WDR88: variants seen among roughly 807,000 people sequenced by gnomAD.
The protein encoded by WDR88 is WD repeat domain 88, also known as WD repeat-containing protein 88.
A neutral mutation model predicts 46.8 loss-of-function variants in WDR88; 40 were observed. That is an observed-to-expected ratio of 0.86 (90% CI 0.66 to 1.11). WDR88 has a LOEUF of 1.11. Among genes scored for constraint, WDR88 ranks in the 50% most tolerant of loss-of-function variants. WDR88 has a pLI of 0.00. For synonymous variants in WDR88, 235 were observed against 240.7 expected (o/e 0.98, Z 0.22); for missense variants, 562 against 602.4 (o/e 0.93, Z 0.70).
At chr19:33,159,762 G>A (rs1973832509) in intron 7 of WDR88, among the ~76,000 whole-genome samples, 1 of 152,072 alleles carries the variant, frequency 6.6e-6, no homozygotes, top group Non-Finnish European at 1.5e-5. Flanking sequence ...TGGGAGCTGT[G>A]GAGGATGGTT....
intron 7 of WDR88, among the ~76,000 whole-genome samples, chr19:33,157,969 G>A (rs1402519510): frequency 1.3e-5 from 2 of 151,774 alleles, no homozygotes; most frequent in African/African-American, 2.4e-5. Flanking sequence ...AGCTAGGGTT[G>A]GGGTCAGAAC....
intron 7 of WDR88, among the ~76,000 whole-genome samples, chr19:33,158,618 T>C (rs1313220930): frequency 1.3e-5 from 2 of 152,190 alleles, no homozygotes; most frequent in African/African-American, 4.8e-5. Flanking sequence ...CCAGCTGAGG[T>C]TGGACAAGGC....
intron 9 of WDR88, among the ~76,000 whole-genome samples, 167 bp downstream of exon 9, chr19:33,164,432 C>T (rs938997661): frequency 2.6e-5 from 4 of 152,246 alleles, no homozygotes; most frequent in South Asian, 2.1e-4. Context: ...TCCTTCTATG[C>T]GCAAACGCGA....
rs139261287 is a variant in WDR88 at position 33,158,094 on chromosome 19, G to A, written c.997+1552G>A. On this transcript the variant is annotated intron_variant, in intron 7 of 10. Transcript: ENST00000355868. Reference sequence around the variant, plus strand: ...ATGGGGGCAGTGACAGGAAGCCACCGCGGCTAGCCAGCTCCAGGGAGGGAA... The same window carrying A: ...ATGGGGGCAGTGACAGGAAGCCACCACGGCTAGCCAGCTCCAGGGAGGGAA... Among the ~76,000 whole-genome samples, 450 of 152,210 alleles carry A rather than the reference G, an allele frequency of 3.0e-3. 6 individuals are homozygous for A. The highest frequency in any genetic ancestry group is 4.2e-3 in the Admixed American group (64 of 15,282).
chr19:33,139,195 C>T (rs1037283106), intron 2 of WDR88, among the ~76,000 whole-genome samples: 6 of 152,192 alleles, frequency 3.9e-5, no homozygotes, highest in African/African-American at 1.4e-4. Flanking sequence ...CAGATCAGCA[C>T]CCCAAGGTGC....
At chr19:33,156,254 G>A (rs1389296348) in intron 6 of WDR88, 101 bp from the exon 7 acceptor site, 22 of 1,270,738 alleles carry the variant, frequency 1.7e-5, no homozygotes, top group African/African-American at 9.0e-5. Flanking sequence ...TGTGCAGCCC[G>A]ACCATGAGCT....
intron 8 of WDR88, among the ~76,000 whole-genome samples, chr19:33,161,528 C>T (rs143592046): frequency 0.024 from 3,725 of 152,266 alleles, 60 homozygotes; most frequent in Middle Eastern, 0.044. Flanking sequence ...ACAAAGTAGA[C>T]ATGTGTCCTT....
At chr19:33,136,873 C>T (rs1248492179) in intron 1 of WDR88, among the ~76,000 whole-genome samples, 2 of 151,978 alleles carry the variant, frequency 1.3e-5, no homozygotes, top group African/African-American at 4.8e-5. Context: ...CACCACATCC[C>T]GCCCTTGCAT....
chr19:33,156,468 GA>G lies in WDR88; in HGVS notation c.926del (p.Asn309ThrfsTer6). 1 of 1,614,128 alleles carries G rather than the reference GA, an allele frequency of 6.2e-7. No individual in the cohort carries two copies. On this transcript the variant is annotated frameshift_variant, in exon 7 of 11. Transcript: ENST00000355868. LOFTEE classifies it high-confidence loss of function. ...TGGAACGTCCACACAGGGGAGTTTCGAAACTGTGGAGCCTGTGTGACTCTGA... is the reference window on the plus strand; with the variant it reads ...TGGAACGTCCACACAGGGGAGTTTCGAACTGTGGAGCCTGTGTGACTCTGA... ...KIWNVHTGEFRNCGACVTLMQ... is the reference protein window; with the variant it reads ...KIWNVHTGEFXNCGACVTLMQ...
chr19:33,161,309 G>C (rs1490955929), intron 8 of WDR88, among the ~76,000 whole-genome samples: 2 of 152,132 alleles, frequency 1.3e-5, no homozygotes, highest in Non-Finnish European at 2.9e-5. Flanking sequence ...GAGAGGATGA[G>C]AGGAGCCCCA....
chr19:33,138,650 A>G (rs1156406803), intron 2 of WDR88, among the ~76,000 whole-genome samples: 1 of 138,662 alleles, frequency 7.2e-6, no homozygotes, highest in African/African-American at 2.7e-5. Flanking sequence ...CCTGGCCCCC[A>G]CACCTTTTTT....
At chr19:33,174,446 C>T (rs1568374091) in intron 10 of WDR88, 2 of 1,371,156 alleles carry the variant, frequency 1.5e-6, no homozygotes, top group South Asian at 3.6e-5. Context: ...CCTGAGGGGC[C>T]TCTGCCCATG....
chr19:33,174,281 C>G, intron 10 of WDR88: 2 of 1,533,886 alleles, frequency 1.3e-6, no homozygotes, highest in Non-Finnish European at 8.7e-7. Context: ...CCAGGCTTCC[C>G]CGAGGCCTGC....
chr19:33,148,865 T>C lies in WDR88; in HGVS notation c.634T>C (p.Cys212Arg). 1.9e-6 allele frequency: 3 copies of C among 1,614,170 alleles called. No homozygotes were observed. The highest frequency in any genetic ancestry group is 2.5e-6 in the Non-Finnish European group (3 of 1,180,034). Residue 212 changes from cysteine to arginine, a missense_variant, in exon 5 of 11, where the codon TGC becomes CGC. Cys to Arg is a radical substitution (Grantham distance 180, BLOSUM62 -3). Transcript: ENST00000355868. ...AGGCTTCGACGTGGATCATGGAATC[T>C]GCATAATGGACGCCGAGAACATCAC... ...VSGFDVDHGI[C>R]IMDAENITTV...
chr19:33,142,768 G>T (rs1429688598), intron 2 of WDR88: 5 of 149,854 alleles, frequency 3.3e-5, no homozygotes, highest in African/African-American at 1.2e-4. Flanking sequence ...AGCAATTTGG[G>T]AGGCCCAGGT....
At chr19:33,166,256 C>A (rs1973951041) in intron 9 of WDR88, among the ~76,000 whole-genome samples, 1 of 129,344 alleles carries the variant, frequency 7.7e-6, no homozygotes, top group South Asian at 2.4e-4. Flanking sequence ...CCAGCCTGGG[C>A]CAAACAGTGA....
intron 6 of WDR88, among the ~76,000 whole-genome samples, chr19:33,151,883 A>T (rs758727521): frequency 1.3e-5 from 2 of 152,118 alleles, no homozygotes; most frequent in Non-Finnish European, 1.5e-5. Flanking sequence ...CTGTCTAAAA[A>T]AAATAAATAA....
intron 2 of WDR88, among the ~76,000 whole-genome samples, chr19:33,138,490 G>C (rs1177528013): frequency 6.6e-6 from 1 of 151,986 alleles, no homozygotes; most frequent in Non-Finnish European, 1.5e-5. Flanking sequence ...TAGGACTACA[G>C]GTGTGTGCCA....
chr19:33,174,374 C>A (rs1321592064), intron 10 of WDR88: 11 of 1,429,662 alleles, frequency 7.7e-6, no homozygotes, highest in Non-Finnish European at 1.0e-5. Flanking sequence ...GCTGGGAGAG[C>A]CAGGGCAGGG....
Sources: allele counts gnomAD v4.1 joint callset (sites outside exome capture counted in the v4.1 genomes callset), GRCh38; gene constraint gnomAD v4.1.1; transcripts MANE v1.5; gene names NCBI Gene and HGNC (gene_info 2026-07-23, HGNC 2026-07-21).